The following SEC63 variants were observed in gnomAD, a reference collection of about 807,000 sequenced individuals.
The protein encoded by SEC63 is SEC63 protein translocation regulator.
Under a neutral mutation model 116.2 loss-of-function variants are expected in SEC63, and 56 were observed. The ratio of observed to expected loss-of-function variants is 0.48; its 90% confidence interval spans 0.39 to 0.60. The LOEUF is 0.60. Ranked by LOEUF, SEC63 falls within the 20% of genes least tolerant of loss-of-function variation. SEC63 has a pLI of 0.00. For synonymous variants in SEC63, 273 were observed against 294.6 expected (o/e 0.93, Z 0.75); for missense variants, 668 against 900.0 (o/e 0.74, Z 3.30).
chr6:107,902,910 C>T lies in SEC63; in HGVS notation c.1143G>A (p.Lys381=), dbSNP rs963532613. The T allele has an allele frequency of 6.2e-7, 1 of 1,613,846 alleles. No individual in the cohort carries two copies. The highest frequency in any genetic ancestry group is 8.5e-7 in the Non-Finnish European group (1 of 1,179,778). The part of the protein sequence containing the change: ...QMAVQGLQQF[K]SPLLQLPHIE... ...TATGAGGGAGCTGCAGAAGGGGAGA[C>T]TTAAATTGCTGAAGTCCCTGAACGG... The change falls in exon 12 of 21, where the codon AAG becomes AAA. Residue 381 remains lysine (K), a synonymous_variant. Coordinates refer to ENST00000369002, the MANE Select transcript of SEC63 (RefSeq NM_007214.5).
At position 107,871,589 on chromosome 6, in the gene SEC63, A is replaced by G. The variant is rs1330001769; in HGVS notation, c.*115T>C. ...TATTATGCACCCATTTCAAGAGTAA[A>G]AAAACTACACCTCCCTCAACATCAG... On this transcript the variant is annotated 3_prime_UTR_variant, in exon 21 of 21. Coordinates refer to ENST00000369002, the MANE Select transcript of SEC63 (RefSeq NM_007214.5). The G allele has an allele frequency of 4.1e-6, 4 of 986,732 alleles. No homozygotes were observed. Among genetic ancestry groups the G allele is most frequent in the Non-Finnish European group, 6.4e-6 (4 of 624,620 alleles). 61.1% of individuals were successfully genotyped at this position (986,732 alleles called of 1,614,324 possible). A position where few individuals can be genotyped will look rare whatever the true frequency, so the allele number is the denominator to read the frequency against.
chr6:107,907,919 T>G (rs1172344689), intron 8 of SEC63, among the ~76,000 whole-genome samples: 1 of 152,122 alleles, frequency 6.6e-6, no homozygotes. Flanking sequence ...GAAATCAAAA[T>G]GATTGAGGCA....
chr6:107,889,038 C>T (rs541793900), intron 16 of SEC63, among the ~76,000 whole-genome samples: 5 of 152,092 alleles, frequency 3.3e-5, no homozygotes, highest in South Asian at 2.1e-4. Context: ...CAGGGATATT[C>T]GCCTGAAATT....
chr6:107,889,839 C>T (rs1343208425), intron 16 of SEC63, among the ~76,000 whole-genome samples: 1 of 152,112 alleles, frequency 6.6e-6, no homozygotes, highest in African/African-American at 2.4e-5. Context: ...TCGTTATTTA[C>T]CCAGTAGTCA....
At chr6:107,902,513 C>A (rs1366658901) in intron 12 of SEC63, among the ~76,000 whole-genome samples, 10 of 152,024 alleles carry the variant, frequency 6.6e-5, no homozygotes, top group African/African-American at 2.4e-4. Flanking sequence ...AACCAGTAAA[C>A]AATTGCCCAA....
intron 1 of SEC63, among the ~76,000 whole-genome samples, chr6:107,935,170 G>C (rs1360059489): frequency 6.7e-6 from 1 of 150,332 alleles, no homozygotes; most frequent in Non-Finnish European, 1.5e-5. Flanking sequence ...AGGGAGGTGG[G>C]GGGGTCAGCC....
chr6:107,923,217 C>T (rs917032144), intron 3 of SEC63, among the ~76,000 whole-genome samples: 42 of 151,732 alleles, frequency 2.8e-4, no homozygotes, highest in African/African-American at 8.5e-4. Context: ...AATCACAGCT[C>T]GCTGCAGCCT....
chr6:107,876,816 A>C (rs572686769), intron 18 of SEC63, 154 bp from the exon 19 acceptor site: 44 of 619,376 alleles, frequency 7.1e-5, no homozygotes, highest in African/African-American at 5.4e-4. Flanking sequence ...ATTTACTGAA[A>C]GAATAAGCTG....
chr6:107,948,310 CAACA>C (rs540690063), intron 1 of SEC63, among the ~76,000 whole-genome samples: 61 of 152,246 alleles, frequency 4.0e-4, no homozygotes, highest in African/African-American at 1.2e-3. Context: ...GAGTTGAGTC[CAACA>C]AACAGTCTTC....
intron 1 of SEC63, chr6:107,930,141 C>A (rs144021225): frequency 6.7e-6 from 1 of 149,430 alleles, no homozygotes; most frequent in Non-Finnish European, 1.5e-5. Flanking sequence ...ATGGCCCTCA[C>A]CCAAAGATGA....
intron 1 of SEC63, chr6:107,954,764 G>A (rs1183092590): frequency 6.6e-6 from 1 of 152,116 alleles, no homozygotes; most frequent in Non-Finnish European, 1.5e-5. Flanking sequence ...TACTGCAACT[G>A]GGCTGCAGAA....
rs557309522 is a variant in SEC63, at chr6:107,953,195, G to A, written c.124+4691C>T. 2.0e-5 allele frequency among the ~76,000 whole-genome samples: 3 copies of A among 152,352 alleles called. No homozygotes were observed. The South Asian group carries it at 6.2e-4, about 32-fold the overall frequency. On this transcript the variant is annotated intron_variant, in intron 1 of 20. Transcript: ENST00000369002. The stretch of plus-strand genomic sequence containing the variant: ...GAATCGTTTGAACACGGGAAGCAGA[G>A]GTTGCAGTGAGCCGAGATCACGCCA...
chr6:107,937,123 A>ACTTT (rs369815765), intron 1 of SEC63, among the ~76,000 whole-genome samples: 2 of 129,916 alleles, frequency 1.5e-5, no homozygotes, highest in African/African-American at 2.9e-5. Context: ...TATGTACCAC[A>ACTTT]TTTTTTTTTT....
At chr6:107,933,352 G>C (rs1787853721) in intron 1 of SEC63, among the ~76,000 whole-genome samples, 1 of 152,154 alleles carries the variant, frequency 6.6e-6, no homozygotes, top group African/African-American at 2.4e-5. Context: ...TGAGTTTGTA[G>C]TAATTTGTTA....
chr6:107,902,784 G>T, intron 12 of SEC63, 60 bp downstream of exon 12: 1 of 1,514,012 alleles, frequency 6.6e-7, no homozygotes, highest in Non-Finnish European at 9.2e-7. Flanking sequence ...TTTTATTCAT[G>T]TTACCTTTAA....
chr6:107,909,844 A>C (rs183049584), intron 7 of SEC63, among the ~76,000 whole-genome samples: 42 of 152,338 alleles, frequency 2.8e-4, no homozygotes, highest in African/African-American at 9.9e-4. Flanking sequence ...TATGTGACTA[A>C]AAGGAACTCC....
chr6:107,952,883 G>A (rs977172363), intron 1 of SEC63, among the ~76,000 whole-genome samples: 3 of 152,166 alleles, frequency 2.0e-5, no homozygotes, highest in Admixed American at 6.5e-5. Flanking sequence ...AAATTCAAAC[G>A]CATGCCTACA....
intron 8 of SEC63, among the ~76,000 whole-genome samples, chr6:107,908,148 G>T (rs1381316477): frequency 6.6e-6 from 1 of 152,078 alleles, no homozygotes; most frequent in Non-Finnish European, 1.5e-5. Context: ...AATCCAAAAT[G>T]CAGAAAAGTC....
At chr6:107,939,615 G>C (rs942116298) in intron 1 of SEC63, among the ~76,000 whole-genome samples, 2 of 152,086 alleles carry the variant, frequency 1.3e-5, no homozygotes, top group Non-Finnish European at 2.9e-5. Context: ...AGACAGGTGT[G>C]GGTGGTGAGC....
Sources: gnomAD v4.1 joint callset for allele counts (sites outside exome capture counted in the v4.1 genomes callset) on GRCh38, gnomAD v4.1.1 for gene constraint, MANE v1.5 for transcripts, NCBI Gene and HGNC (gene_info 2026-07-23, HGNC 2026-07-21) for gene names.